The following SLC7A2 variants were observed in gnomAD, a reference collection of about 807,000 sequenced individuals.
SLC7A2 encodes solute carrier family 7 member 2, also known as cationic amino acid transporter 2.
In SLC7A2, 48 loss-of-function variants were observed where a neutral mutation model predicts 58.9. The observed-to-expected ratio is 0.82, with a 90% CI of 0.65 to 1.04. The LOEUF (loss-of-function observed/expected upper bound fraction) is 1.04, where lower values mean the gene tolerates loss of function less well. Ranked by LOEUF, SLC7A2 falls within the 50% of genes least tolerant of loss-of-function variation. SLC7A2 has a pLI of 0.00. For missense variants in SLC7A2, 1,029 were observed against 818.8 expected, an observed-to-expected ratio of 1.26 and a Z score of -3.13; for synonymous variants, 363 against 314.5, an observed-to-expected ratio of 1.15 and a Z score of -1.63.
chr8:17,535,869 C>T (rs1025761453), intron 2 of SLC7A2, among the ~76,000 whole-genome samples: 1 of 152,104 alleles, frequency 6.6e-6, no homozygotes, highest in Non-Finnish European at 1.5e-5. Context: ...TGCCACTGCA[C>T]TCCAGCCTGG....
intron 2 of SLC7A2, among the ~76,000 whole-genome samples, chr8:17,505,747 T>C (rs190239960): frequency 6.6e-6 from 1 of 152,342 alleles, no homozygotes; most frequent in African/African-American, 2.4e-5. Context: ...AGTGTGACAT[T>C]TGAAATCTAA....
chr8:17,543,642 G>A lies in SLC7A2; in HGVS notation c.303G>A (p.Leu101=). 6.4e-7 allele frequency: 1 copy of A among 1,568,424 alleles called. No individual in the cohort carries two copies. Among genetic ancestry groups the A allele is most frequent in the East Asian group, 2.2e-5 (1 of 44,564 alleles). Residue 101 remains leucine (L), a synonymous_variant, in exon 3 of 13, where the codon TTG becomes TTA. Coordinates refer to ENST00000494857, the MANE Select transcript of SLC7A2 (RefSeq NM_001370338.1). ...ARVPKTGSAY[L]YTYVTVGELW... ...TTCCCAAGACGGGGTCTGCATATTT[G>A]TACACCTACGTGACTGTCGGAGAGC...
Position 17,565,169 on chromosome 8 carries a change from C to T in SLC7A2, c.*23C>T, listed in dbSNP as rs371271210. The stretch of plus-strand genomic sequence containing the variant: ...TAACACTTGCAGGAGCAGAGCTGGT[C>T]ATCGTCTTAGCATACATATCCTACA... On this transcript the variant is annotated 3_prime_UTR_variant, in exon 13 of 13. Transcript: ENST00000494857. The T allele has an allele frequency of 9.1e-5, 144 of 1,577,558 alleles. No individual in the cohort carries two copies. The highest frequency in any genetic ancestry group is 1.2e-4 in the Non-Finnish European group (133 of 1,153,594).
chr8:17,494,366 G>T (rs986210708), upstream of SLC7A2, among the ~76,000 whole-genome samples: 1 of 152,140 alleles, frequency 6.6e-6, no homozygotes, highest in Non-Finnish European at 1.5e-5. Context: ...GAAATCTTTG[G>T]AAGATGACAA....
At position 17,530,499 on chromosome 8, in the gene SLC7A2, A is replaced by T. The variant is rs181441016; in HGVS notation, c.-22-12819A>T. Among the ~76,000 whole-genome samples the T allele has an allele frequency of 2.5e-4, 38 of 152,136 alleles. 2 individuals carry two copies. The highest frequency in any genetic ancestry group is 3.4e-3 in the Middle Eastern group (1 of 292). On this transcript the variant is annotated intron_variant, in intron 2 of 12. Coordinates refer to ENST00000494857, the MANE Select transcript of SLC7A2 (RefSeq NM_001370338.1). ...CAGGCTGGGGCCAGGTCACAGAGGG[A>T]TGGTTTGGAAACCCAGGCAAGTTGC... is the stretch of plus-strand genomic sequence containing the variant.
chr8:17,500,932 C>T (rs900394871), intron 1 of SLC7A2, among the ~76,000 whole-genome samples: 1 of 152,052 alleles, frequency 6.6e-6, no homozygotes, highest in Non-Finnish European at 1.5e-5. Context: ...TTTTTCTTGT[C>T]CATCTTAGTA....
chr8:17,562,178 GTATTTTTTT>G, intron 11 of SLC7A2, 68 bp downstream of exon 11: 7 of 478,194 alleles, frequency 1.5e-5, no homozygotes, highest in South Asian at 1.3e-4. Flanking sequence ...AGTTTGGTAA[GTATTTTTTT>G]TTTTTTTTTT....
chr8:17,534,011 G>A (rs1801562438), intron 2 of SLC7A2, among the ~76,000 whole-genome samples: 1 of 152,022 alleles, frequency 6.6e-6, no homozygotes, highest in Non-Finnish European at 1.5e-5. Flanking sequence ...GAAAAGATGT[G>A]GTCTTTGGTT....
At chr8:17,564,767 G>A (rs531476291) in intron 12 of SLC7A2, among the ~76,000 whole-genome samples, 183 bp from the exon 13 acceptor site, 1 of 152,260 alleles carries the variant, frequency 6.6e-6, no homozygotes, top group East Asian at 1.9e-4. Context: ...CTCACTTCCT[G>A]TTGTGTGGCC....
intron 2 of SLC7A2, among the ~76,000 whole-genome samples, chr8:17,512,326 C>T (rs371815738): frequency 4.6e-5 from 7 of 152,092 alleles, no homozygotes; most frequent in South Asian, 4.2e-4. Context: ...GAGGGTGGAT[C>T]ACCTGAGGTC....
chr8:17,556,699 C>A (rs900354967), intron 8 of SLC7A2, among the ~76,000 whole-genome samples: 4 of 151,926 alleles, frequency 2.6e-5, no homozygotes, highest in African/African-American at 9.7e-5. Context: ...ACCTCCACCT[C>A]CCGAGTTCAA....
intron 2 of SLC7A2, chr8:17,539,008 A>T: frequency 7.9e-7 from 1 of 1,259,664 alleles, no homozygotes; most frequent in Non-Finnish European, 1.2e-6. Context: ...GAAGGGAAAG[A>T]TTCATTTCTA....
intron 2 of SLC7A2, chr8:17,511,303 C>T (rs907701319): frequency 6.6e-6 from 1 of 152,160 alleles, no homozygotes; most frequent in African/African-American, 2.4e-5. Context: ...AGCATTTTCT[C>T]CTTAACTTCT....
At chr8:17,515,700 A>G (rs954546827) in intron 2 of SLC7A2, among the ~76,000 whole-genome samples, 8 of 152,238 alleles carry the variant, frequency 5.3e-5, no homozygotes, top group Admixed American at 4.6e-4. Context: ...TGGTTTATAC[A>G]GTACAGAGAA....
intron 2 of SLC7A2, among the ~76,000 whole-genome samples, chr8:17,533,427 T>TG (rs1801539165): frequency 6.6e-6 from 1 of 152,240 alleles, no homozygotes; most frequent in Non-Finnish European, 1.5e-5. Flanking sequence ...ATGTGAATTC[T>TG]GGTTAAATTC....
chr8:17,534,424 C>T (rs1405746904), intron 2 of SLC7A2, among the ~76,000 whole-genome samples: 2 of 152,168 alleles, frequency 1.3e-5, no homozygotes, highest in African/African-American at 2.4e-5. Context: ...ACCCTGAAAT[C>T]CAACAGCATT....
chr8:17,495,820 GAT>G (rs893900516), upstream of SLC7A2, among the ~76,000 whole-genome samples: 17 of 152,030 alleles, frequency 1.1e-4, no homozygotes, highest in Non-Finnish European at 2.5e-4. Context: ...AAAGTGCTGG[GAT>G]TACAGGCGTG....
chr8:17,548,715 G>C lies in SLC7A2; in HGVS notation c.570G>C (p.Val190=), dbSNP rs749550528. ...TTGGAGTAAAAGAGTCTGCTTGGGT[G>C]AATAAAGTCTTCACAGCTGTTAATA... ...LSFGVKESAW[V]NKVFTAVNIL... The change falls in exon 5 of 13, where the codon GTG becomes GTC. Residue 190 remains valine (V), a synonymous_variant. Coordinates refer to ENST00000494857, the MANE Select transcript of SLC7A2 (RefSeq NM_001370338.1). 6 of 1,612,974 alleles carry C rather than the reference G, an allele frequency of 3.7e-6. No individual in the cohort carries two copies. Among genetic ancestry groups the C allele is most frequent in the Non-Finnish European group, 5.1e-6 (6 of 1,179,554 alleles).
intron 2 of SLC7A2, among the ~76,000 whole-genome samples, chr8:17,517,049 G>A (rs1800831875): frequency 6.6e-6 from 1 of 152,076 alleles, no homozygotes; most frequent in South Asian, 2.1e-4. Context: ...CATTAAGGTG[G>A]GAATTCTATA....
Sources: gnomAD v4.1 joint callset for allele counts (sites outside exome capture counted in the v4.1 genomes callset) on GRCh38, gnomAD v4.1.1 for gene constraint, MANE v1.5 for transcripts, NCBI Gene and HGNC (gene_info 2026-07-23, HGNC 2026-07-21) for gene names.